POR: variants seen among roughly 807,000 people sequenced by gnomAD.
POR encodes NADPH--cytochrome P450 reductase.
In POR, 56 loss-of-function variants were observed where a neutral mutation model predicts 84.0. The ratio of observed to expected loss-of-function variants is 0.67; its 90% CI spans 0.54 to 0.83. The LOEUF (loss-of-function observed/expected upper bound fraction) is 0.83, where lower values mean the gene tolerates loss of function less well. Among genes scored for constraint, POR ranks in the 40% least tolerant of loss-of-function variants. The pLI, the probability that POR is intolerant of heterozygous loss-of-function variation, is 0.00. For synonymous variants in POR, 414 were observed against 400.5 expected (o/e 1.03, Z -0.40); for missense variants, 938 against 944.3 (o/e 0.99, Z 0.09).
At chr7:75,946,619 A>C (rs992514432) in intron 1 of POR, among the ~76,000 whole-genome samples, 5 of 152,040 alleles carry the variant, frequency 3.3e-5, no homozygotes, top group African/African-American at 9.7e-5. Flanking sequence ...AGAACATGAA[A>C]GCCTTCTGTT....
intron 3 of POR, 74 bp downstream of exon 3, chr7:75,972,535 C>A: frequency 7.2e-7 from 1 of 1,380,976 alleles, no homozygotes; most frequent in Admixed American, 2.0e-5. Flanking sequence ...GTCTAGCAGA[C>A]GGCTGGCGTC....
intron 1 of POR, among the ~76,000 whole-genome samples, chr7:75,929,618 A>C (rs1807313477): frequency 6.6e-6 from 1 of 152,136 alleles, no homozygotes; most frequent in African/African-American, 2.4e-5. Context: ...AACGCAAGCA[A>C]CGCTGGGGAA....
chr7:75,982,296 G>C lies in POR; in HGVS notation c.804G>C (p.Arg268=), dbSNP rs1789097944. ...AGGTGTACATGGGGGAGATGGGCCGGCTGAAGAGCTACGAGAACCAGAAGC... is the reference window on the plus strand; with the variant it reads ...AGGTGTACATGGGGGAGATGGGCCGCCTGAAGAGCTACGAGAACCAGAAGC... The change falls in exon 8 of 16, where the codon CGG becomes CGC. Residue 268 remains arginine (R), a synonymous_variant. Coordinates refer to ENST00000461988, the MANE Select transcript of POR (RefSeq NM_000941.3). 1 of 1,612,212 alleles carries C rather than the reference G, an allele frequency of 6.2e-7. No homozygotes were observed. The highest frequency in any genetic ancestry group is 8.5e-7 in the Non-Finnish European group (1 of 1,179,264).
intron 1 of POR, chr7:75,943,932 CA>C: frequency 2.2e-6 from 1 of 446,718 alleles, no homozygotes; most frequent in Non-Finnish European, 4.4e-6. Context: ...GGGAAATTTG[CA>C]AAAGGGAGAA....
At chr7:75,921,727 G>A (rs1554548866) in intron 1 of POR, among the ~76,000 whole-genome samples, 1 of 151,860 alleles carries the variant, frequency 6.6e-6, no homozygotes, top group Non-Finnish European at 1.5e-5. Context: ...CCCTGCTTCG[G>A]TCACCCCTCC....
At chr7:75,978,906 C>G (rs1208666694) in intron 3 of POR, among the ~76,000 whole-genome samples, 2 of 152,136 alleles carry the variant, frequency 1.3e-5, no homozygotes, top group African/African-American at 4.8e-5. Flanking sequence ...AAGCTGTTTT[C>G]CTGCCTCAGC....
At chr7:75,964,159 C>G (rs781958424) in intron 2 of POR, among the ~76,000 whole-genome samples, 3 of 151,826 alleles carry the variant, frequency 2.0e-5, no homozygotes, top group Non-Finnish European at 4.4e-5. Context: ...GCCACCACGC[C>G]CAGCTAATTT....
At chr7:75,932,651 A>C (rs1014620452) in intron 1 of POR, among the ~76,000 whole-genome samples, 1 of 152,186 alleles carries the variant, frequency 6.6e-6, no homozygotes, top group Non-Finnish European at 1.5e-5. Flanking sequence ...ACATTTGAGA[A>C]TTTATAACAA....
intron 5 of POR, 98 bp from the exon 6 acceptor site, chr7:75,980,950 C>T (rs1347065593): frequency 2.4e-5 from 33 of 1,398,252 alleles, no homozygotes; most frequent in Non-Finnish European, 2.9e-5. Context: ...TTGCCAGCAG[C>T]TCAGCCAGTG....
chr7:75,923,802 C>T (rs180851083), intron 1 of POR, among the ~76,000 whole-genome samples: 4 of 151,792 alleles, frequency 2.6e-5, no homozygotes, highest in East Asian at 1.9e-4. Context: ...GCAGGAGAAT[C>T]GCTTGAACCC....
intron 3 of POR, among the ~76,000 whole-genome samples, chr7:75,975,972 C>T (rs1788668364): frequency 6.6e-6 from 1 of 151,916 alleles, no homozygotes; most frequent in Non-Finnish European, 1.5e-5. Flanking sequence ...TCTATTACAT[C>T]ATGCCACATT....
chr7:75,958,731 G>A (rs532811161), intron 2 of POR, among the ~76,000 whole-genome samples: 1 of 152,206 alleles, frequency 6.6e-6, no homozygotes, highest in East Asian at 1.9e-4. Flanking sequence ...TGTAATCCCA[G>A]TGCTTAGGGA....
intron 8 of POR, 131 bp downstream of exon 8, chr7:75,982,453 A>T (rs1320439347): frequency 4.0e-6 from 3 of 745,654 alleles, no homozygotes; most frequent in Non-Finnish European, 2.2e-6. Context: ...AGTGGGTGTG[A>T]GTGTCCACGA....
At chr7:75,947,327 T>C (rs1246595604) in intron 1 of POR, 1 of 152,412 alleles carries the variant, frequency 6.6e-6, no homozygotes, top group Non-Finnish European at 1.5e-5. Flanking sequence ...CAGGCTGGAG[T>C]GCAAGTGGCA....
At chr7:75,976,429 C>T (rs1332648393) in intron 3 of POR, among the ~76,000 whole-genome samples, 9 of 115,830 alleles carry the variant, frequency 7.8e-5, no homozygotes, top group African/African-American at 2.8e-4. Context: ...GCCAACAGAG[C>T]AAGATTCCAT....
rs200310098 is a variant in POR, at chr7:75,986,514, C to T, written c.*33C>T. On this transcript the variant is annotated 3_prime_UTR_variant, in exon 16 of 16. Transcript: ENST00000461988. ...CCTGCCCCACCCACCCCACAGACTC[C>T]GGCCTGTAATCAGCTCTCCTGGCTC... The T allele has an allele frequency of 8.1e-5, 130 of 1,597,258 alleles. No individual in the cohort carries two copies. Among genetic ancestry groups the T allele is most frequent in the East Asian group, 4.0e-4 (18 of 44,614 alleles).
At position 75,986,186 on chromosome 7, in the gene POR, G is replaced by C; in HGVS notation, c.1843G>C (p.Asp615His). 1 of 1,612,384 alleles carries C rather than the reference G, an allele frequency of 6.2e-7. No homozygotes were observed. The highest frequency in any genetic ancestry group is 8.5e-7 in the Non-Finnish European group (1 of 1,179,664). ...CTACGTCCAGCACCTGCTAAAGCAA[G>C]ACCGAGAGCACCTGTGGAAGTTGAT... The change falls in exon 15 of 16, where the codon GAC becomes CAC. Residue 615 changes from aspartate (D) to histidine (H), a missense_variant. Physicochemically the swap from Asp to His is moderately conservative, Grantham distance 81. Coordinates refer to ENST00000461988, the MANE Select transcript of POR (RefSeq NM_000941.3).
At chr7:75,924,000 T>C (rs1242703087) in intron 1 of POR, among the ~76,000 whole-genome samples, 2 of 152,192 alleles carry the variant, frequency 1.3e-5, no homozygotes, top group Middle Eastern at 3.2e-3. Context: ...GGCTGCTGCC[T>C]TGTCTGAAAT....
chr7:75,971,307 G>A lies in POR; in HGVS notation c.189-1106G>A, dbSNP rs553092680. Among the ~76,000 whole-genome samples the A allele has an allele frequency of 2.6e-5, 4 of 152,206 alleles. No individual in the cohort carries two copies. In the South Asian group the frequency reaches 8.3e-4, roughly 32 times the overall value. On this transcript the variant is annotated intron_variant, in intron 2 of 15. Coordinates refer to ENST00000461988, the MANE Select transcript of POR (RefSeq NM_000941.3). Reference sequence around the variant, plus strand: ...AAAATGTATTTTCATCTTCAGGTTTGTCACTTGATTCAGAATGGCCATATT... The same window carrying A: ...AAAATGTATTTTCATCTTCAGGTTTATCACTTGATTCAGAATGGCCATATT...
Sources: gnomAD v4.1 joint callset for allele counts (sites outside exome capture counted in the v4.1 genomes callset) on GRCh38, gnomAD v4.1.1 for gene constraint, MANE v1.5 for transcripts, NCBI Gene and HGNC (gene_info 2026-07-23, HGNC 2026-07-21) for gene names.